CHCHD6: variants seen among roughly 807,000 people sequenced by gnomAD.
CHCHD6 encodes the protein coiled-coil-helix-coiled-coil-helix domain containing 6, also known as MICOS complex subunit MIC25.
Under a neutral mutation model 32.3 loss-of-function variants are expected in CHCHD6, and 28 were observed. The observed-to-expected ratio is 0.87, with a 90% confidence interval of 0.64 to 1.19. The LOEUF (loss-of-function observed/expected upper bound fraction) is 1.19. CHCHD6 is among the 50% of genes most tolerant of loss of function. The pLI, the probability that CHCHD6 is intolerant of heterozygous loss-of-function variation, is 0.00. For missense variants in CHCHD6, 333 were observed against 307.0 expected, an observed-to-expected ratio of 1.08 and a Z score of -0.63; for synonymous variants, 122 against 117.5, an observed-to-expected ratio of 1.04 and a Z score of -0.25.
intron 6 of CHCHD6, among the ~76,000 whole-genome samples, chr3:126,926,770 T>C (rs572850240): frequency 6.6e-6 from 1 of 152,148 alleles, no homozygotes; most frequent in Non-Finnish European, 1.5e-5. Context: ...ATTGATATGA[T>C]TGGATTTGTG....
chr3:126,736,091 G>A (rs1391758851), intron 4 of CHCHD6, among the ~76,000 whole-genome samples: 6 of 152,174 alleles, frequency 3.9e-5, no homozygotes, highest in Non-Finnish European at 7.3e-5. Context: ...GTATGGTTGG[G>A]GAGTGCTTTT....
intron 1 of CHCHD6, among the ~76,000 whole-genome samples, chr3:126,720,803 C>T (rs1394487328): frequency 2.0e-5 from 3 of 152,158 alleles, no homozygotes; most frequent in Non-Finnish European, 4.4e-5. Context: ...GTCCTGTTTC[C>T]ACCCTCAGCA....
At chr3:126,797,972 A>C (rs1393571276) in intron 4 of CHCHD6, among the ~76,000 whole-genome samples, 4 of 152,092 alleles carry the variant, frequency 2.6e-5, no homozygotes, top group African/African-American at 4.8e-5. Context: ...ATCTCCCCCA[A>C]CTGTGCCGTT....
At chr3:126,720,759 G>C (rs956127988) in intron 1 of CHCHD6, among the ~76,000 whole-genome samples, 2 of 152,126 alleles carry the variant, frequency 1.3e-5, no homozygotes, top group South Asian at 4.1e-4. Context: ...GATGTTCCAC[G>C]TTGCTCCTGC....
At chr3:126,764,193 A>G (rs1937268418) in intron 4 of CHCHD6, among the ~76,000 whole-genome samples, 1 of 115,858 alleles carries the variant, frequency 8.6e-6, no homozygotes, top group East Asian at 2.4e-4. Context: ...ACATACATAC[A>G]TACATGCATA....
At chr3:126,934,536 C>CCTTTTT (rs1491268081) in intron 6 of CHCHD6, among the ~76,000 whole-genome samples, 6 of 58,244 alleles carry the variant, frequency 1.0e-4, no homozygotes, top group African/African-American at 4.3e-4. Flanking sequence ...CCCCTCTCTG[C>CCTTTTT]TTTTTTTTTT....
intron 7 of CHCHD6, among the ~76,000 whole-genome samples, chr3:126,958,265 G>A (rs927789039): frequency 1.3e-5 from 2 of 151,614 alleles, no homozygotes; most frequent in East Asian, 2.0e-4. Flanking sequence ...CCTCACCCTT[G>A]CCCCACCCCA....
At chr3:126,894,152 C>T (rs1259078426) in intron 5 of CHCHD6, among the ~76,000 whole-genome samples, 1 of 152,242 alleles carries the variant, frequency 6.6e-6, no homozygotes, top group African/African-American at 2.4e-5. Context: ...TGAGATGCCC[C>T]ATGGCACACC....
At chr3:126,958,346 C>T (rs765260199) in intron 7 of CHCHD6, among the ~76,000 whole-genome samples, 14 of 152,160 alleles carry the variant, frequency 9.2e-5, no homozygotes, top group East Asian at 3.9e-4. Context: ...CCAAGGAGTG[C>T]GGCCTGTTTG....
chr3:126,911,556 G>A (rs1368274008), intron 5 of CHCHD6, among the ~76,000 whole-genome samples: 3 of 152,214 alleles, frequency 2.0e-5, no homozygotes, highest in South Asian at 2.1e-4. Context: ...TGGGGTAGGC[G>A]GGTCAGGACA....
chr3:126,816,551 T>C (rs1481982885), intron 4 of CHCHD6, among the ~76,000 whole-genome samples: 1 of 151,842 alleles, frequency 6.6e-6, no homozygotes, highest in African/African-American at 2.4e-5. Flanking sequence ...AGGTGCTGAG[T>C]ATGGGCCCGA....
chr3:126,780,502 G>C, intron 4 of CHCHD6: 1 of 200,860 alleles, frequency 5.0e-6, no homozygotes, highest in Non-Finnish European at 1.0e-5. Flanking sequence ...AGTATTTTCT[G>C]TACTTTCTTT....
rs1012704101 is a variant in CHCHD6 at position 126,960,340 on chromosome 3, T to C, written c.*139T>C. On this transcript the variant is annotated 3_prime_UTR_variant, in exon 8 of 8. Transcript: ENST00000290913. ...CCTGAGCCTGGGGCTGCCACGTGTTTAGGAAACAAAGTATGCGCTACTGTC... is the reference window on the plus strand; with the variant it reads ...CCTGAGCCTGGGGCTGCCACGTGTTCAGGAAACAAAGTATGCGCTACTGTC... The C allele has an allele frequency of 4.1e-6, 4 of 977,142 alleles. No individual in the cohort carries two copies. The highest frequency in any genetic ancestry group is 2.1e-5 in the Admixed American group (1 of 47,626). 60.5% of individuals were successfully genotyped at this position (977,142 alleles called of 1,614,324 possible).
intron 5 of CHCHD6, among the ~76,000 whole-genome samples, chr3:126,895,584 G>C (rs1317074196): frequency 6.6e-6 from 1 of 152,232 alleles, no homozygotes; most frequent in East Asian, 1.9e-4. Context: ...TTGAGCAACA[G>C]AGCCAAACAC....
intron 4 of CHCHD6, among the ~76,000 whole-genome samples, chr3:126,826,943 T>A (rs770182443): frequency 2.6e-5 from 4 of 152,126 alleles, no homozygotes; most frequent in Non-Finnish European, 5.9e-5. Flanking sequence ...CAGGGAAGGC[T>A]GCCAGAGGAA....
At chr3:126,715,014 T>C (rs1030986149) in intron 1 of CHCHD6, among the ~76,000 whole-genome samples, 1 of 152,222 alleles carries the variant, frequency 6.6e-6, no homozygotes, top group African/African-American at 2.4e-5. Context: ...CATACTCATT[T>C]TCATATTGAC....
intron 5 of CHCHD6, among the ~76,000 whole-genome samples, chr3:126,908,226 C>T (rs2078033610): frequency 6.6e-6 from 1 of 152,204 alleles, no homozygotes; most frequent in Non-Finnish European, 1.5e-5. Flanking sequence ...TCTCTCAAAG[C>T]ATTTGGAGAA....
intron 4 of CHCHD6, among the ~76,000 whole-genome samples, chr3:126,814,281 G>A (rs990965366): frequency 3.9e-5 from 6 of 152,178 alleles, no homozygotes; most frequent in African/African-American, 1.4e-4. Context: ...CTTTGCTGAA[G>A]CACAGACAGG....
chr3:126,879,932 C>A (rs60271900), intron 5 of CHCHD6, among the ~76,000 whole-genome samples: 4,654 of 152,244 alleles, frequency 0.031, 157 homozygotes, highest in East Asian at 0.16. Context: ...TCATATTATT[C>A]TGCAAATTTT....
Sources: allele counts gnomAD v4.1 joint callset (sites outside exome capture counted in the v4.1 genomes callset), GRCh38; gene constraint gnomAD v4.1.1; transcripts MANE v1.5; gene names NCBI Gene and HGNC (gene_info 2026-07-23, HGNC 2026-07-21).